The following NF1 variants were observed in gnomAD, a reference collection of about 807,000 sequenced individuals.
NF1 encodes neurofibromin.
NF1 carries 122 observed loss-of-function variants against 325.7 expected under a neutral mutation model. The observed-to-expected ratio is 0.37, with a 90% CI of 0.32 to 0.44. NF1 has a LOEUF of 0.44. Ranked by LOEUF, NF1 falls within the 20% of genes least tolerant of loss-of-function variation. The pLI, the probability that NF1 is intolerant of heterozygous loss-of-function variation, is 1.00. For missense variants in NF1, 2,140 were observed against 3,415.4 expected (o/e 0.63, Z 9.31); for synonymous variants, 1,091 against 1,186.0 (o/e 0.92, Z 1.65).
chr17:31,323,295 C>G (rs2069259930), intron 36 of NF1, among the ~76,000 whole-genome samples: 1 of 151,918 alleles, frequency 6.6e-6, no homozygotes, highest in Non-Finnish European at 1.5e-5. Flanking sequence ...TATCTGTAGT[C>G]CCAGCTACTC....
At chr17:31,349,799 AT>A (rs1468148104) in intron 49 of NF1, among the ~76,000 whole-genome samples, 1 of 152,154 alleles carries the variant, frequency 6.6e-6, no homozygotes, top group Non-Finnish European at 1.5e-5. Context: ...CTTAGCACTT[AT>A]GTACAATACA....
chr17:31,255,626 T>C (rs986419194), intron 31 of NF1, among the ~76,000 whole-genome samples: 1 of 152,174 alleles, frequency 6.6e-6, no homozygotes, highest in Non-Finnish European at 1.5e-5. Flanking sequence ...ATGTGGAAGA[T>C]GGTAAAAGTG....
At chr17:31,318,150 G>T in intron 36 of NF1, 2 of 844,122 alleles carry the variant, frequency 2.4e-6, no homozygotes, top group East Asian at 2.6e-5. Context: ...AATTAAGCAG[G>T]CATACTTCTC....
rs137854560 is a variant in NF1 at position 31,249,093 on chromosome 17, C to T, written c.4084C>T (p.Arg1362Ter). 5 of 1,614,076 alleles carry T rather than the reference C, an allele frequency of 3.1e-6. No individual in the cohort carries two copies. The highest frequency in any genetic ancestry group is 3.4e-6 in the Non-Finnish European group (4 of 1,179,968). The change falls in exon 30 of 58, where the codon CGA becomes TGA. Residue 1362 changes from arginine (R) to a stop codon, truncating the protein, a stop_gained. Transcript: ENST00000358273. LOFTEE classifies it high-confidence loss of function. ...SSSSEFPPQL[R>*]SVCHCLYQAT... ...CTCCTCAGAATTCCCCCCTCAACTT[C>T]GAAGTGTGTGCCACTGTTTATACCA...
chr17:31,371,928 C>T (rs756509635), intron 57 of NF1, among the ~76,000 whole-genome samples: 1 of 152,156 alleles, frequency 6.6e-6, no homozygotes, highest in African/African-American at 2.4e-5. Context: ...ACTCTTGAGT[C>T]GAATTCAGAG....
In NF1 at chr17:31,337,883, A is replaced by G. The variant is rs375560135; in HGVS notation, c.6704+3A>G. On this transcript the variant is annotated splice_donor_region_variant and intron_variant, in intron 44 of 57. Coordinates refer to ENST00000358273, the MANE Select transcript of NF1 (RefSeq NM_001042492.3). ...CAGTGGACAGAACTAGCTCAAAGGT[A>G]TGTCCTAAATTAAATATAAGTTGTA... 5.0e-6 allele frequency: 8 copies of G among 1,613,094 alleles called. No homozygotes were observed. The highest frequency in any genetic ancestry group is 6.8e-6 in the Non-Finnish European group (8 of 1,179,124).
At chr17:31,278,533 G>T (rs7501792) in intron 36 of NF1, among the ~76,000 whole-genome samples, 11 of 45,944 alleles carry the variant, frequency 2.4e-4, no homozygotes, top group East Asian at 2.3e-3. Context: ...TTTTTTTTTA[G>T]AAAATCCTAT....
At chr17:31,222,280 T>A (rs1412743437) in intron 15 of NF1, 2 of 1,050,862 alleles carry the variant, frequency 1.9e-6, no homozygotes, top group Non-Finnish European at 2.3e-6. Context: ...GTAACAATAC[T>A]GTTTTTTCAG....
rs920645864 is a variant in NF1, at chr17:31,181,651, C to T, written c.655-59C>T. 6 of 1,368,394 alleles carry T rather than the reference C, an allele frequency of 4.4e-6. No homozygotes were observed. In the Admixed American group the frequency reaches 5.1e-5, roughly 12 times the overall value. The allele number at this position is 1,368,394 out of a possible 1,614,324, so 84.8% of individuals were successfully genotyped here. ...TATGAAGGAAGTTAGAAGTTTGTGA[C>T]ATTTTATTTACTGTATTACAAAAAA... On this transcript the variant is annotated intron_variant, in intron 6 of 57. Transcript: ENST00000358273.
intron 15 of NF1, chr17:31,222,429 C>T (rs2066941291): frequency 1.9e-6 from 2 of 1,032,178 alleles, no homozygotes; most frequent in Admixed American, 5.7e-5. Flanking sequence ...CAAATCATTA[C>T]ATTTTAATGA....
At chr17:31,334,617 A>C (rs2151549743) in intron 39 of NF1, 1 of 517,180 alleles carries the variant, frequency 1.9e-6, no homozygotes, top group East Asian at 3.2e-5. Context: ...ATAAGACAAA[A>C]CTTTTCAAAA....
intron 46 of NF1, 137 bp from the exon 47 acceptor site, chr17:31,340,368 C>A: frequency 9.2e-7 from 1 of 1,092,618 alleles, no homozygotes. Context: ...AGAGCTTACT[C>A]ATATCTTTAT....
In NF1 at chr17:31,160,423, G is replaced by A. The variant is rs537330865; in HGVS notation, c.288+1330G>A. ...ATTTTAAATTTTCTTATTGACCGTT[G>A]ACCATATTCCAAAATTGTGGAGACA... On this transcript the variant is annotated intron_variant, in intron 3 of 57. Transcript: ENST00000358273. Among the ~76,000 whole-genome samples the A allele has an allele frequency of 2.0e-5, 3 of 152,222 alleles. No homozygotes were observed. The East Asian group carries it at 5.8e-4, about 29-fold the overall frequency.
intron 32 of NF1, among the ~76,000 whole-genome samples, 155 bp from the exon 33 acceptor site, chr17:31,258,877 T>C (rs1317601547): frequency 2.0e-5 from 3 of 152,170 alleles, no homozygotes; most frequent in African/African-American, 7.2e-5. Context: ...TTAGAAACAC[T>C]ACCTAAAATA....
rs2069674778 is a variant in NF1, at chr17:31,336,567, C to CT, written c.6148-62dup. The CT allele has an allele frequency of 1.3e-6, 2 of 1,577,116 alleles. No homozygotes were observed. Among genetic ancestry groups the CT allele is most frequent in the African/African-American group, 1.4e-5 (1 of 71,746 alleles). On this transcript the variant is annotated intron_variant, in intron 41 of 57. Transcript: ENST00000358273. This position sits in a 1 kb window ranked among gnomAD's most constrained non-coding sequence, Gnocchi z 5.5. ...GTAATTACTTTTAAATTAAACTGAA[C>CT]TTTTTTGTGCTAAAACTTTGAGTCC...
chr17:31,136,846 T>C (rs1915826598), intron 1 of NF1: 1 of 152,202 alleles, frequency 6.6e-6, no homozygotes, highest in Non-Finnish European at 1.5e-5. Flanking sequence ...AGTATATATA[T>C]AGGGTTCAGT....
chr17:31,103,757 C>T (rs1597562126), intron 1 of NF1, among the ~76,000 whole-genome samples: 1 of 151,752 alleles, frequency 6.6e-6, no homozygotes, highest in Non-Finnish European at 1.5e-5. Context: ...ATCACTTGGG[C>T]CTCAGAGTTT....
rs9896323 is a variant in NF1, at chr17:31,306,558, G to A, written c.4836-19262G>A. The stretch of plus-strand genomic sequence containing the variant: ...TACCACTAAGTTTCTTAGGCACAGA[G>A]TCTATTAGTAATCTTTGAAGCATCC... On this transcript the variant is annotated intron_variant, in intron 36 of 57. Coordinates refer to ENST00000358273, the MANE Select transcript of NF1 (RefSeq NM_001042492.3). Among the ~76,000 whole-genome samples the A allele has an allele frequency of 7.6e-3, 1,163 of 152,208 alleles. 18 individuals are homozygous for A. Among genetic ancestry groups the A allele is most frequent in the African/African-American group, 0.027 (1,118 of 41,542 alleles).
intron 36 of NF1, among the ~76,000 whole-genome samples, chr17:31,309,157 G>A (rs2068805797): frequency 6.6e-6 from 1 of 152,116 alleles, no homozygotes; most frequent in African/African-American, 2.4e-5. Flanking sequence ...TGTACCCAGG[G>A]CCACCTGATT....
Sources: allele counts gnomAD v4.1 joint callset (sites outside exome capture counted in the v4.1 genomes callset), GRCh38; gene constraint gnomAD v4.1.1; non-coding constraint Gnocchi (gnomAD v3.1); transcripts MANE v1.5; gene names NCBI Gene and HGNC (gene_info 2026-07-23, HGNC 2026-07-21).